Variants in TAFA1 observed in about 807,000 individuals in gnomAD.
TAFA1 encodes chemokine-like protein TAFA-1.
In TAFA1, 4 loss-of-function variants were observed where a neutral mutation model predicts 18.5. That is an observed-to-expected ratio of 0.22 (90% CI 0.11 to 0.49). The LOEUF is 0.49. TAFA1 is among the 20% of genes least tolerant of loss of function. The pLI is 0.98. For synonymous variants in TAFA1, 56 were observed against 55.2 expected (o/e 1.01, Z -0.06); for missense variants, 147 against 169.0 (o/e 0.87, Z 0.72).
intron 2 of TAFA1, among the ~76,000 whole-genome samples, chr3:68,342,086 C>A (rs776545245): frequency 2.0e-5 from 3 of 152,134 alleles, no homozygotes; most frequent in Non-Finnish European, 2.9e-5. Flanking sequence ...AAGGCTTCCA[C>A]CCTTTTGACC....
chr3:68,303,990 G>A (rs1235829091), intron 2 of TAFA1, among the ~76,000 whole-genome samples: 1 of 152,150 alleles, frequency 6.6e-6, no homozygotes, highest in Non-Finnish European at 1.5e-5. Context: ...AACAAAAGTA[G>A]ACATTACATT....
chr3:68,332,792 C>T (rs568628435), intron 2 of TAFA1, among the ~76,000 whole-genome samples: 42 of 152,234 alleles, frequency 2.8e-4, no homozygotes, highest in Admixed American at 5.2e-4. Flanking sequence ...TGGAGAAACT[C>T]TTGAACACTG....
the TAFA1 span, among the ~76,000 whole-genome samples, chr3:67,992,886 C>T: frequency 6.6e-6 from 1 of 152,208 alleles, no homozygotes; most frequent in Non-Finnish European, 1.5e-5. Flanking sequence ...CCCCTCCTCC[C>T]CTGTGTTCTT....
intron 2 of TAFA1, among the ~76,000 whole-genome samples, chr3:68,385,904 G>A (rs2070092793): frequency 6.6e-6 from 1 of 152,014 alleles, no homozygotes; most frequent in Admixed American, 6.6e-5. Context: ...CCATCATCTT[G>A]AACATTGATT....
At chr3:68,015,738 G>T (rs551574792) in intron 2 of TAFA1, among the ~76,000 whole-genome samples, 8 of 152,242 alleles carry the variant, frequency 5.3e-5, no homozygotes, top group Non-Finnish European at 1.2e-4. Flanking sequence ...CCACTAGTGA[G>T]TTATAAATTT....
chr3:68,503,157 G>T (rs2665540), intron 3 of TAFA1, among the ~76,000 whole-genome samples: 30,711 of 151,986 alleles, frequency 0.2, 3,206 homozygotes, highest in Middle Eastern at 0.23. Flanking sequence ...AAATGCAGAT[G>T]AACAACACAC....
intron 2 of TAFA1, among the ~76,000 whole-genome samples, chr3:68,262,349 A>ATATATATATATT (rs2067450632): frequency 1.9e-4 from 15 of 78,736 alleles, no homozygotes; most frequent in Non-Finnish European, 2.7e-4. Context: ...ATATATATAT[A>ATATATATATATT]TATATATATT....
chr3:68,032,832 G>A lies in TAFA1; in HGVS notation c.118+26088G>A, dbSNP rs539822410. Among the ~76,000 whole-genome samples, 103 of 152,226 alleles carry A rather than the reference G, an allele frequency of 6.8e-4. No individual in the cohort carries two copies. In the South Asian group the frequency reaches 0.021, roughly 31 times the overall value. ...TAGGACCTACAGAGCCAAGAATCTGGGGGAAAGTCAAAATGTGTAAACTAA... is the reference window on the plus strand; with the variant it reads ...TAGGACCTACAGAGCCAAGAATCTGAGGGAAAGTCAAAATGTGTAAACTAA... On this transcript the variant is annotated intron_variant, in intron 2 of 4. Coordinates refer to ENST00000478136, the MANE Select transcript of TAFA1 (RefSeq NM_213609.4).
At chr3:68,235,682 C>G (rs2066920414) in intron 2 of TAFA1, among the ~76,000 whole-genome samples, 1 of 152,076 alleles carries the variant, frequency 6.6e-6, no homozygotes, top group South Asian at 2.1e-4. Flanking sequence ...GCTGGCCAAT[C>G]AAGTGTTTTG....
chr3:68,001,133 T>G (rs1704279326), upstream of TAFA1, among the ~76,000 whole-genome samples: 2 of 152,210 alleles, frequency 1.3e-5, no homozygotes, highest in African/African-American at 4.8e-5. Flanking sequence ...TTGCTTTGGT[T>G]AGAGAAAAGG....
chr3:68,527,696 G>C (rs1472582216), intron 3 of TAFA1, among the ~76,000 whole-genome samples: 1 of 152,078 alleles, frequency 6.6e-6, no homozygotes, highest in Non-Finnish European at 1.5e-5. Context: ...TCCAAAAAGA[G>C]ACTGTATGCT....
chr3:68,080,635 A>G (rs2064885426), intron 2 of TAFA1, among the ~76,000 whole-genome samples: 1 of 152,162 alleles, frequency 6.6e-6, no homozygotes, highest in Non-Finnish European at 1.5e-5. Flanking sequence ...AATGTTGAAT[A>G]TTGGCCCCCA....
the TAFA1 span, among the ~76,000 whole-genome samples, chr3:67,994,299 G>C: frequency 6.6e-6 from 1 of 152,214 alleles, no homozygotes; most frequent in South Asian, 2.1e-4. Context: ...GAGGACACTT[G>C]AGTTCCAGGC....
At chr3:68,130,996 C>A (rs188667479) in intron 2 of TAFA1, among the ~76,000 whole-genome samples, 1 of 152,116 alleles carries the variant, frequency 6.6e-6, no homozygotes, top group Non-Finnish European at 1.5e-5. Flanking sequence ...ACAAGCTCCA[C>A]GAAAACAGGG....
At chr3:68,536,882 C>T (rs1017766795) in intron 3 of TAFA1, among the ~76,000 whole-genome samples, 1 of 152,152 alleles carries the variant, frequency 6.6e-6, no homozygotes, top group Non-Finnish European at 1.5e-5. Context: ...AAGGTAACCA[C>T]AACTCATATC....
intron 2 of TAFA1, among the ~76,000 whole-genome samples, chr3:68,391,038 A>G (rs1477352283): frequency 2.6e-5 from 4 of 152,188 alleles, no homozygotes. Context: ...TAGGCTTCAG[A>G]AGGTGGGTAA....
At chr3:68,043,886 G>A (rs1705216817) in intron 2 of TAFA1, among the ~76,000 whole-genome samples, 1 of 151,716 alleles carries the variant, frequency 6.6e-6, no homozygotes, top group South Asian at 2.1e-4. Flanking sequence ...GGGTACATGT[G>A]CACAATGTGC....
rs1404833501 is a variant in TAFA1, at chr3:68,397,051, T to C, written c.119-20229T>C. On this transcript the variant is annotated intron_variant, in intron 2 of 4. Coordinates refer to ENST00000478136, the MANE Select transcript of TAFA1 (RefSeq NM_213609.4). ...GGAGGAAAAATCTTAGTATTAACCA[T>C]GAAAGACTTAAACAAAACTATGGAG... Among the ~76,000 whole-genome samples the C allele has an allele frequency of 2.6e-5, 4 of 152,140 alleles. No individual in the cohort carries two copies. The East Asian group carries it at 5.8e-4, about 22-fold the overall frequency.
intron 2 of TAFA1, among the ~76,000 whole-genome samples, chr3:68,324,099 C>A: frequency 6.6e-6 from 1 of 152,094 alleles, no homozygotes; most frequent in East Asian, 1.9e-4. Context: ...TTCTTCCTGG[C>A]AGTGCTGGGC....
Sources: gnomAD v4.1 joint callset for allele counts (sites outside exome capture counted in the v4.1 genomes callset) on GRCh38, gnomAD v4.1.1 for gene constraint, MANE v1.5 for transcripts, NCBI Gene and HGNC (gene_info 2026-07-23, HGNC 2026-07-21) for gene names.